The following TAMM41 variants were observed in gnomAD, a reference collection of about 807,000 sequenced individuals.
TAMM41 encodes the protein phosphatidate cytidylyltransferase, mitochondrial.
A neutral mutation model predicts 44.1 loss-of-function variants in TAMM41; 36 were observed. The ratio of observed to expected loss-of-function variants is 0.82; its 90% confidence interval spans 0.63 to 1.08. The LOEUF is 1.08. TAMM41 is among the 50% of genes least tolerant of loss of function. The probability of loss-of-function intolerance (pLI) is 0.00; values close to 1 mark genes in which losing one functional copy is unlikely to be tolerated. For missense variants in TAMM41, 417 were observed against 404.3 expected (o/e 1.03, Z -0.27); for synonymous variants, 164 against 153.1 (o/e 1.07, Z -0.53).
the TAMM41 span, among the ~76,000 whole-genome samples, chr3:11,744,791 C>A: frequency 6.6e-6 from 1 of 152,130 alleles, no homozygotes; most frequent in Non-Finnish European, 1.5e-5. Flanking sequence ...CTTCAGGAGG[C>A]CAAGGCAAGA....
chr3:11,829,718 A>T lies in TAMM41; in HGVS notation c.558T>A (p.Tyr186Ter). Residue 186 changes from tyrosine (Y) to a stop codon, truncating the protein, a stop_gained, in exon 4 of 8, where the codon TAT becomes TAA. Coordinates refer to ENST00000455809, the MANE Select transcript of TAMM41 (RefSeq NM_001284401.2). LOFTEE classifies it high-confidence loss of function. The stretch of plus-strand genomic sequence containing the variant: ...CTGGGCAGCAACCATACTAACCTGA[A>T]TAGGAGAGACCGGCAATCTCTATGA... ...DLFIEIAGLS[Y>*]SGDFRMVVGE... 2 of 1,614,126 alleles carry T rather than the reference A, an allele frequency of 1.2e-6. No individual in the cohort carries two copies. Among genetic ancestry groups the T allele is most frequent in the Non-Finnish European group, 1.7e-6 (2 of 1,179,996 alleles).
chr3:11,802,140 C>T (rs754453033), intron 7 of TAMM41, among the ~76,000 whole-genome samples: 15 of 152,100 alleles, frequency 9.9e-5, no homozygotes, highest in Non-Finnish European at 2.1e-4. Context: ...ATTGCTTAAG[C>T]CTGGGAGGCA....
chr3:11,739,002 C>T, the TAMM41 span, among the ~76,000 whole-genome samples: 1 of 152,244 alleles, frequency 6.6e-6, no homozygotes. Flanking sequence ...CTCCTGAAAG[C>T]ACCTTCCACT....
the TAMM41 span, among the ~76,000 whole-genome samples, chr3:11,743,054 C>T: frequency 7.2e-5 from 11 of 152,142 alleles, no homozygotes; most frequent in Non-Finnish European, 1.6e-4. Flanking sequence ...CAAGATTTTA[C>T]GCAGAAGTGA....
At chr3:11,785,877 C>T (rs748706434), downstream of TAMM41, among the ~76,000 whole-genome samples, 2 of 152,152 alleles carry the variant, frequency 1.3e-5, no homozygotes, top group Non-Finnish European at 2.9e-5. Context: ...CCTTGGCCTC[C>T]CAAAGTGCTG....
At chr3:11,841,041 TA>T (rs1390938634) in intron 2 of TAMM41, among the ~76,000 whole-genome samples, 4 of 149,262 alleles carry the variant, frequency 2.7e-5, no homozygotes, top group Non-Finnish European at 5.9e-5. Context: ...TTATTCATGC[TA>T]AAAAAAGAAA....
intron 7 of TAMM41, among the ~76,000 whole-genome samples, chr3:11,794,122 G>C (rs1259350819): frequency 1.3e-5 from 2 of 151,084 alleles, no homozygotes; most frequent in Non-Finnish European, 2.9e-5. Context: ...ACTTCTACTT[G>C]GTCTACACTA....
In TAMM41 at chr3:11,790,615, G is replaced by C. The variant is rs761942867; in HGVS notation, c.938-34C>G. 3.2e-6 allele frequency: 5 copies of C among 1,561,294 alleles called. No homozygotes were observed. The East Asian group carries it at 9.0e-5, about 28-fold the overall frequency. ...GAAAAGATGAGAAAGTAAGAAGATG[G>C]AGGCTTGTTGAGTGGATGCTCAGAG... On this transcript the variant is annotated intron_variant, in intron 7 of 7. Transcript: ENST00000455809.
chr3:11,778,889 A>G, the TAMM41 span, among the ~76,000 whole-genome samples: 1 of 152,098 alleles, frequency 6.6e-6, no homozygotes, highest in African/African-American at 2.4e-5. Context: ...TGATTTACAA[A>G]TATTTTTTTC....
chr3:11,799,539 T>C (rs1343541434), intron 7 of TAMM41, among the ~76,000 whole-genome samples: 3 of 152,242 alleles, frequency 2.0e-5, no homozygotes, highest in Admixed American at 6.5e-5. Context: ...TCACTTTCCA[T>C]GCTTTATGTC....
At position 11,809,693 on chromosome 3, in the gene TAMM41, GA is replaced by G. The variant is rs762089221; in HGVS notation, c.709-12del. The G allele has an allele frequency of 3.8e-6, 6 of 1,583,464 alleles. No individual in the cohort carries two copies. In the Admixed American group the frequency reaches 8.1e-5, roughly 21 times the overall value. ...TGGGCTTTTATCTATCTGAAGGGAG[GA>G]AAAAAAAGACGACGTCTATGGAAGT... On this transcript the variant is annotated splice_polypyrimidine_tract_variant and intron_variant, in intron 5 of 7. Coordinates refer to ENST00000455809, the MANE Select transcript of TAMM41 (RefSeq NM_001284401.2).
the TAMM41 span, among the ~76,000 whole-genome samples, chr3:11,728,075 C>A: frequency 6.6e-6 from 1 of 152,108 alleles, no homozygotes; most frequent in Non-Finnish European, 1.5e-5. Context: ...GCGTGAGCCA[C>A]CGTGCCCAGC....
the TAMM41 span, among the ~76,000 whole-genome samples, chr3:11,756,825 A>C: frequency 6.7e-6 from 1 of 150,110 alleles, no homozygotes; most frequent in Non-Finnish European, 1.5e-5. Flanking sequence ...AGATTGCGCC[A>C]CTGCACTCCA....
chr3:11,813,677 G>A (rs1177712739), intron 5 of TAMM41, among the ~76,000 whole-genome samples: 6 of 151,886 alleles, frequency 4.0e-5, no homozygotes, highest in East Asian at 1.9e-4. Flanking sequence ...AGCCAGGAAC[G>A]GTGGCTCTTG....
intron 3 of TAMM41, among the ~76,000 whole-genome samples, chr3:11,834,473 G>C (rs1370084709): frequency 6.6e-6 from 1 of 151,916 alleles, no homozygotes; most frequent in Non-Finnish European, 1.5e-5. Flanking sequence ...AGGTTTCTTG[G>C]CTTAAAAAAA....
the TAMM41 span, among the ~76,000 whole-genome samples, chr3:11,767,626 A>ATTTTT: frequency 0.013 from 816 of 60,702 alleles, 173 homozygotes; most frequent in African/African-American, 0.055. Context: ...CACGTTGTGC[A>ATTTTT]TTTTTTTTTT....
chr3:11,817,330 A>G lies in TAMM41; in HGVS notation c.570T>C (p.Phe190=). The G allele has an allele frequency of 6.2e-7, 1 of 1,607,730 alleles. No individual in the cohort carries two copies. Reference sequence around the variant, plus strand: ...TTTTATCTTCTCCAACCACCATCCGAAAGTCACCTAGTTAAAACAAAGAGA... The same window carrying G: ...TTTTATCTTCTCCAACCACCATCCGGAAGTCACCTAGTTAAAACAAAGAGA... ...EIAGLSYSGD[F]RMVVGEDKTK... The change falls in exon 5 of 8, where the codon TTT becomes TTC. Residue 190 remains phenylalanine, a synonymous_variant. Transcript: ENST00000455809.
intron 4 of TAMM41, among the ~76,000 whole-genome samples, chr3:11,825,405 TCA>T (rs2078708294): frequency 6.6e-6 from 1 of 152,192 alleles, no homozygotes; most frequent in South Asian, 2.1e-4. Flanking sequence ...CCTGAGGCAG[TCA>T]GCTCCCATAT....
the TAMM41 span, among the ~76,000 whole-genome samples, chr3:11,751,156 A>T: frequency 2.1e-5 from 3 of 143,380 alleles, no homozygotes; most frequent in East Asian, 6.3e-4. Flanking sequence ...CAGTGGCGTG[A>T]TCTCAAATCA....
Sources: gnomAD v4.1 joint callset for allele counts (sites outside exome capture counted in the v4.1 genomes callset) on GRCh38, gnomAD v4.1.1 for gene constraint, MANE v1.5 for transcripts, NCBI Gene and HGNC (gene_info 2026-07-23, HGNC 2026-07-21) for gene names.